OR2A5: variants seen among roughly 807,000 people sequenced by gnomAD.
OR2A5 encodes the protein olfactory receptor 2A5.
OR2A5 carries 2 observed loss-of-function variants against 1.9 expected under a neutral mutation model. The observed-to-expected ratio is 1.04, with a 90% CI of 0.43 to 3.28. The LOEUF (loss-of-function observed/expected upper bound fraction) is 3.28. Among genes scored for constraint, OR2A5 ranks in the 30% most tolerant of loss-of-function variants. The pLI, the probability that OR2A5 is intolerant of heterozygous loss-of-function variation, is 0.08. For synonymous variants in OR2A5, 160 were observed against 154.5 expected (o/e 1.04, Z -0.26); for missense variants, 391 against 375.9 (o/e 1.04, Z -0.33).
In OR2A5 at chr7:144,052,033, G is replaced by T. The variant is rs2050910974; in HGVS notation, c.*696G>T. 1 of 152,094 alleles carries T rather than the reference G, an allele frequency of 6.6e-6. No individual in the cohort carries two copies. The highest frequency in any genetic ancestry group is 1.5e-5 in the Non-Finnish European group (1 of 68,024). The allele number at this position is 152,094 out of a possible 1,614,324, so 9.4% of individuals were successfully genotyped here. Reference sequence around the variant, plus strand: ...AATAAATATGAGAGAATGTTATTAGGGATAGTTACCTTTTTCATAATTCAG... The same window carrying T: ...AATAAATATGAGAGAATGTTATTAGTGATAGTTACCTTTTTCATAATTCAG... On this transcript the variant is annotated 3_prime_UTR_variant, in exon 2 of 2. Transcript: ENST00000641693.
Position 144,058,525 on chromosome 7 carries a change from T to C in OR2A5, c.*7188T>C, listed in dbSNP as rs866141640. ...GGAGGCCTCAGGAAACTTACAATCA[T>C]GGCGGAAGTGGAAGCAAACACATCC... is the stretch of plus-strand genomic sequence containing the variant. On this transcript the variant is annotated 3_prime_UTR_variant, in exon 2 of 2. Transcript: ENST00000641693. The C allele has an allele frequency of 5.3e-5, 8 of 152,204 alleles. No individual in the cohort carries two copies. Among genetic ancestry groups the C allele is most frequent in the African/African-American group, 1.9e-4 (8 of 41,434 alleles). 9.4% of individuals were successfully genotyped at this position (152,204 alleles called of 1,614,324 possible).
In OR2A5 at chr7:144,051,327, G is replaced by A; in HGVS notation, c.926G>A (p.Arg309Lys). Residue 309 changes from arginine (R) to lysine (K), a missense_variant, in exon 2 of 2, where the codon AGA becomes AAA. By Grantham distance (26) the Arg-to-Lys change is conservative (BLOSUM62 2). Transcript: ENST00000641693. ...CTGAAAAGAGTGTTGTGGAAACAGA[G>A]ATCAAAGTGAGGGATGCCAGGGAAA... ...GALKRVLWKQ[R>K]SK 6.2e-7 allele frequency: 1 copy of A among 1,602,236 alleles called. No homozygotes were observed. Among genetic ancestry groups the A allele is most frequent in the Non-Finnish European group, 8.5e-7 (1 of 1,173,856 alleles).
Position 144,051,453 on chromosome 7 carries a change from AT to A in OR2A5, c.*118del, listed in dbSNP as rs765839525. The A allele has an allele frequency of 6.3e-6, 5 of 799,678 alleles. No homozygotes were observed. Among genetic ancestry groups the A allele is most frequent in the Non-Finnish European group, 3.9e-6 (2 of 510,188 alleles). The allele number at this position is 799,678 out of a possible 1,614,324, so 49.5% of individuals were successfully genotyped here. A position where few individuals can be genotyped will look rare whatever the true frequency, so the allele number is the denominator to read the frequency against. On this transcript the variant is annotated 3_prime_UTR_variant, in exon 2 of 2. Coordinates refer to ENST00000641693, the MANE Select transcript of OR2A5 (RefSeq NM_012365.2). ...TAGATTTCTGATATCAAGAATGTATATTGATTGGATTCTATCCCTAAACGTG... is the reference window on the plus strand; with the variant it reads ...TAGATTTCTGATATCAAGAATGTATATGATTGGATTCTATCCCTAAACGTG...
rs1017524104 is a variant in OR2A5 at position 144,053,730 on chromosome 7, G to A, written c.*2393G>A. 6.6e-6 allele frequency: 1 copy of A among 152,200 alleles called. No homozygotes were observed. Among genetic ancestry groups the A allele is most frequent in the African/African-American group, 2.4e-5 (1 of 41,440 alleles). 9.4% of individuals were successfully genotyped at this position (152,200 alleles called of 1,614,324 possible). A position where few individuals can be genotyped will look rare whatever the true frequency, so the allele number is the denominator to read the frequency against. On this transcript the variant is annotated 3_prime_UTR_variant, in exon 2 of 2. Coordinates refer to ENST00000641693, the MANE Select transcript of OR2A5 (RefSeq NM_012365.2). ...ATGGGGCAGAGTCTGGAACAAAACG[G>A]AGTTTACAGTATTATAGCCAAAGTC...
chr7:144,055,098 A>G lies in OR2A5; in HGVS notation c.*3761A>G, dbSNP rs1237663445. On this transcript the variant is annotated 3_prime_UTR_variant, in exon 2 of 2. Coordinates refer to ENST00000641693, the MANE Select transcript of OR2A5 (RefSeq NM_012365.2). ...ACTGTGTTTCCATAGCCCGGAAAAAAGGAGGAATAAAGCAAACAGGATAAT... is the reference window on the plus strand; with the variant it reads ...ACTGTGTTTCCATAGCCCGGAAAAAGGGAGGAATAAAGCAAACAGGATAAT... 9 of 152,234 alleles carry G rather than the reference A, an allele frequency of 5.9e-5. No homozygotes were observed. Among genetic ancestry groups the G allele is most frequent in the Admixed American group, 5.9e-4 (9 of 15,292 alleles). The allele number at this position is 152,234 out of a possible 1,614,324, so 9.4% of individuals were successfully genotyped here. A position where few individuals can be genotyped will look rare whatever the true frequency, so the allele number is the denominator to read the frequency against.
Position 144,054,614 on chromosome 7 carries a change from G to A in OR2A5, c.*3277G>A, listed in dbSNP as rs999545147. ...GATATTGGGGAAGGTCTCCACCAAA[G>A]GAGGTTGAAGGTTAGTACACAGGAG... On this transcript the variant is annotated 3_prime_UTR_variant, in exon 2 of 2. Coordinates refer to ENST00000641693, the MANE Select transcript of OR2A5 (RefSeq NM_012365.2). 6.6e-6 allele frequency: 1 copy of A among 152,180 alleles called. No homozygotes were observed. Among genetic ancestry groups the A allele is most frequent in the African/African-American group, 2.4e-5 (1 of 41,442 alleles). The allele number at this position is 152,180 out of a possible 1,614,324, so 9.4% of individuals were successfully genotyped here. A position where few individuals can be genotyped will look rare whatever the true frequency, so the allele number is the denominator to read the frequency against.
rs1239865522 is a variant in OR2A5 at position 144,058,254 on chromosome 7, G to C, written c.*6917G>C. 6.6e-6 allele frequency: 1 copy of C among 152,090 alleles called. No individual in the cohort carries two copies. Among genetic ancestry groups the C allele is most frequent in the Non-Finnish European group, 1.5e-5 (1 of 68,008 alleles). The allele number at this position is 152,090 out of a possible 1,614,324, so 9.4% of individuals were successfully genotyped here. On this transcript the variant is annotated 3_prime_UTR_variant, in exon 2 of 2. Coordinates refer to ENST00000641693, the MANE Select transcript of OR2A5 (RefSeq NM_012365.2). ...TGCAATATTTGTCTTTCTGTGCCTG[G>C]CTTGTTTCACTTAAGATAATGATCT...
In OR2A5 at chr7:144,057,478, A is replaced by G. The variant is rs939778465; in HGVS notation, c.*6141A>G. On this transcript the variant is annotated 3_prime_UTR_variant, in exon 2 of 2. Transcript: ENST00000641693. ...TGAAAGCACAGAACATTAAGGAGGA[A>G]AAGAAAATAATAAAACCTTCAGAGA... The G allele has an allele frequency of 4.6e-5, 7 of 152,174 alleles. No individual in the cohort carries two copies. The highest frequency in any genetic ancestry group is 1.7e-4 in the African/African-American group (7 of 41,460). 9.4% of individuals were successfully genotyped at this position (152,174 alleles called of 1,614,324 possible). A position where few individuals can be genotyped will look rare whatever the true frequency, so the allele number is the denominator to read the frequency against.
Position 144,050,659 on chromosome 7 carries a change from G to A in OR2A5, c.258G>A (p.Leu86=), listed in dbSNP as rs959952739. The A allele has an allele frequency of 3.1e-6, 5 of 1,613,954 alleles. No homozygotes were observed. Among genetic ancestry groups the A allele is most frequent in the Admixed American group, 3.3e-5 (2 of 60,000 alleles). The stretch of plus-strand genomic sequence containing the variant: ...CCAAGATGCTGACAAACCTTGGCTT[G>A]AACAAGAGAAAAACAATCTCCTTTG... The part of the protein sequence containing the change: ...NVPKMLTNLG[L]NKRKTISFVP... Residue 86 remains leucine, a synonymous_variant, in exon 2 of 2, where the codon TTG becomes TTA. Coordinates refer to ENST00000641693, the MANE Select transcript of OR2A5 (RefSeq NM_012365.2).
rs542289011 is a variant in OR2A5, at chr7:144,053,719, G to C, written c.*2382G>C. On this transcript the variant is annotated 3_prime_UTR_variant, in exon 2 of 2. Transcript: ENST00000641693. ...ACATCCACATGATGGGGCAGAGTCT[G>C]GAACAAAACGGAGTTTACAGTATTA... 2.0e-5 allele frequency: 3 copies of C among 152,282 alleles called. No homozygotes were observed. In the East Asian group the frequency reaches 5.8e-4, roughly 29 times the overall value. 9.4% of individuals were successfully genotyped at this position (152,282 alleles called of 1,614,324 possible).
Position 144,050,896 on chromosome 7 carries a change from G to A in OR2A5, c.495G>A (p.Arg165=), listed in dbSNP as rs1396671293. The change falls in exon 2 of 2, where the codon AGG becomes AGA. Residue 165 remains arginine, a synonymous_variant. Coordinates refer to ENST00000641693, the MANE Select transcript of OR2A5 (RefSeq NM_012365.2). ...TGGTCCATGTGGTTCTCATCCTGAG[G>A]CTGCCCTTCTGTGGGCCCCATGAAA... ...LALVHVVLIL[R]LPFCGPHEIN... The A allele has an allele frequency of 6.2e-7, 1 of 1,614,182 alleles. No homozygotes were observed. The highest frequency in any genetic ancestry group is 2.2e-5 in the East Asian group (1 of 44,876).
In OR2A5 at chr7:144,050,882, G is replaced by C. The variant is rs759468743; in HGVS notation, c.481G>C (p.Val161Leu). ...TTCCCTTCTGGCCCTGGTCCATGTGGTTCTCATCCTGAGGCTGCCCTTCTG... is the reference window on the plus strand; with the variant it reads ...TTCCCTTCTGGCCCTGGTCCATGTGCTTCTCATCCTGAGGCTGCCCTTCTG... ...CGSLLALVHV[V>L]LILRLPFCGP... The change falls in exon 2 of 2, where the codon GTT becomes CTT. Residue 161 changes from valine (V) to leucine (L), a missense_variant. Coordinates refer to ENST00000641693, the MANE Select transcript of OR2A5 (RefSeq NM_012365.2). The C allele has an allele frequency of 4.3e-6, 7 of 1,614,138 alleles. No individual in the cohort carries two copies. Among genetic ancestry groups the C allele is most frequent in the Non-Finnish European group, 5.9e-6 (7 of 1,180,020 alleles).
rs370207030 is a variant in OR2A5 at position 144,050,631 on chromosome 7, T to A, written c.230T>A (p.Val77Asp). The change falls in exon 2 of 2, where the codon GTC becomes GAC. Residue 77 changes from valine to aspartate, a missense_variant. Val to Asp is a radical substitution (Grantham distance 152). Coordinates refer to ENST00000641693, the MANE Select transcript of OR2A5 (RefSeq NM_012365.2). ...GATATTTCGTATGCTTCCAACAATG[T>A]CCCCAAGATGCTGACAAACCTTGGC... Reference protein sequence around the residue: ...IIDISYASNNVPKMLTNLGLN... With the variant: ...IIDISYASNNDPKMLTNLGLN... 1.5e-5 allele frequency: 25 copies of A among 1,613,496 alleles called. No individual in the cohort carries two copies. Among genetic ancestry groups the A allele is most frequent in the Non-Finnish European group, 2.0e-5 (24 of 1,179,758 alleles).
At position 144,057,372 on chromosome 7, in the gene OR2A5, C is replaced by G. The variant is rs568953120; in HGVS notation, c.*6035C>G. Reference sequence around the variant, plus strand: ...TGAAATTTTTTTCCTGATGGCTAAACACATGAATTCTCAGAACAAAAGATA... The same window carrying G: ...TGAAATTTTTTTCCTGATGGCTAAAGACATGAATTCTCAGAACAAAAGATA... On this transcript the variant is annotated 3_prime_UTR_variant, in exon 2 of 2. Coordinates refer to ENST00000641693, the MANE Select transcript of OR2A5 (RefSeq NM_012365.2). 1 of 152,112 alleles carries G rather than the reference C, an allele frequency of 6.6e-6. No homozygotes were observed. Among genetic ancestry groups the G allele is most frequent in the African/African-American group, 2.4e-5 (1 of 41,494 alleles). The allele number at this position is 152,112 out of a possible 1,614,324, so 9.4% of individuals were successfully genotyped here. A position where few individuals can be genotyped will look rare whatever the true frequency, so the allele number is the denominator to read the frequency against.
In OR2A5 at chr7:144,055,476, A is replaced by G. The variant is rs1430885391; in HGVS notation, c.*4139A>G. ...AGGGGCGGAGTTTAACCTGATTTTAAACAAACTTACAGTCATTTAAAGATT... is the reference window on the plus strand; with the variant it reads ...AGGGGCGGAGTTTAACCTGATTTTAGACAAACTTACAGTCATTTAAAGATT... On this transcript the variant is annotated 3_prime_UTR_variant, in exon 2 of 2. Transcript: ENST00000641693. The G allele has an allele frequency of 2.0e-5, 3 of 152,204 alleles. No homozygotes were observed. The highest frequency in any genetic ancestry group is 4.4e-5 in the Non-Finnish European group (3 of 68,034). 9.4% of individuals were successfully genotyped at this position (152,204 alleles called of 1,614,324 possible). A position where few individuals can be genotyped will look rare whatever the true frequency, so the allele number is the denominator to read the frequency against.
rs559547313 is a variant in OR2A5 at position 144,049,401 on chromosome 7, G to C, written c.-52+268G>C. Among the ~76,000 whole-genome samples, 3 of 152,330 alleles carry C rather than the reference G, an allele frequency of 2.0e-5. No homozygotes were observed. In the South Asian group the frequency reaches 6.2e-4, roughly 32 times the overall value. On this transcript the variant is annotated intron_variant, in intron 1 of 1. Coordinates refer to ENST00000641693, the MANE Select transcript of OR2A5 (RefSeq NM_012365.2). The stretch of plus-strand genomic sequence containing the variant: ...TATAGCCCCTGTGGCTATGTGGTTG[G>C]GGGAATGACAAGCAGAGAAAATTTA...
In OR2A5 at chr7:144,056,576, T is replaced by C. The variant is rs968508730; in HGVS notation, c.*5239T>C. ...AGAAGCAGCCCAAAATATCAACAAC[T>C]GGAAAATAAATTCACTTCTGATGAT... On this transcript the variant is annotated 3_prime_UTR_variant, in exon 2 of 2. Transcript: ENST00000641693. 1.3e-5 allele frequency: 2 copies of C among 152,132 alleles called. No individual in the cohort carries two copies. Among genetic ancestry groups the C allele is most frequent in the African/African-American group, 4.8e-5 (2 of 41,448 alleles). The allele number at this position is 152,132 out of a possible 1,614,324, so 9.4% of individuals were successfully genotyped here.
rs2050941178 is a variant in OR2A5 at position 144,056,636 on chromosome 7, A to AAAT, written c.*5301_*5303dup. Reference sequence around the variant, plus strand: ...GCATGTTCAGGAATGAACAATTGATAAATATTTATGTTTATGTTTAAATGC... The same window carrying AAAT: ...GCATGTTCAGGAATGAACAATTGATAAATAATATTTATGTTTATGTTTAAATGC... On this transcript the variant is annotated 3_prime_UTR_variant, in exon 2 of 2. Transcript: ENST00000641693. 2 of 152,224 alleles carry AAAT rather than the reference A, an allele frequency of 1.3e-5. No homozygotes were observed. The highest frequency in any genetic ancestry group is 1.3e-4 in the Admixed American group (2 of 15,280). The allele number at this position is 152,224 out of a possible 1,614,324, so 9.4% of individuals were successfully genotyped here.
rs1004165637 is a variant in OR2A5 at position 144,056,607 on chromosome 7, T to C, written c.*5270T>C. 2 of 152,234 alleles carry C rather than the reference T, an allele frequency of 1.3e-5. No homozygotes were observed. Among genetic ancestry groups the C allele is most frequent in the African/African-American group, 4.8e-5 (2 of 41,466 alleles). The allele number at this position is 152,234 out of a possible 1,614,324, so 9.4% of individuals were successfully genotyped here. The stretch of plus-strand genomic sequence containing the variant: ...ATAAATTCACTTCTGATGATGTCCC[T>C]TGTGCATGTTCAGGAATGAACAATT... On this transcript the variant is annotated 3_prime_UTR_variant, in exon 2 of 2. Transcript: ENST00000641693.
Sources: allele counts gnomAD v4.1 joint callset (sites outside exome capture counted in the v4.1 genomes callset), GRCh38; gene constraint gnomAD v4.1.1; transcripts MANE v1.5; gene names NCBI Gene and HGNC (gene_info 2026-07-23, HGNC 2026-07-21).